Variants in CLVS1 observed in about 807,000 individuals in gnomAD.
CLVS1 encodes clavesin 1, also known as clavesin-1.
In CLVS1, 10 loss-of-function variants were observed where a neutral mutation model predicts 33.1. The ratio of observed to expected loss-of-function variants is 0.30; its 90% CI spans 0.19 to 0.51. The LOEUF (loss-of-function observed/expected upper bound fraction) is 0.51. Ranked by LOEUF, CLVS1 falls within the 20% of genes least tolerant of loss-of-function variation. The pLI, the probability that CLVS1 is intolerant of heterozygous loss-of-function variation, is 0.97. For missense variants in CLVS1, 343 were observed against 433.4 expected (o/e 0.79, Z 1.85); for synonymous variants, 163 against 166.1 (o/e 0.98, Z 0.14).
At chr8:61,353,531 A>C (rs973898325) in intron 2 of CLVS1, among the ~76,000 whole-genome samples, 2 of 151,886 alleles carry the variant, frequency 1.3e-5, no homozygotes, top group South Asian at 2.1e-4. Flanking sequence ...AAAATTTAAA[A>C]ATTATGTCCA....
chr8:61,270,750 T>C (rs1236283657), intron 2 of CLVS1, among the ~76,000 whole-genome samples: 2 of 152,182 alleles, frequency 1.3e-5, no homozygotes, highest in African/African-American at 4.8e-5. Context: ...TGGGAGAGTG[T>C]ATGTGTCGAG....
chr8:61,141,346 A>G (rs959417803), intron 2 of CLVS1, among the ~76,000 whole-genome samples: 1 of 152,208 alleles, frequency 6.6e-6, no homozygotes, highest in African/African-American at 2.4e-5. Context: ...ACTTAAAAAA[A>G]GTTACAGCAT....
chr8:61,146,448 G>T (rs1011174003), intron 2 of CLVS1, among the ~76,000 whole-genome samples: 1 of 152,194 alleles, frequency 6.6e-6, no homozygotes, highest in African/African-American at 2.4e-5. Flanking sequence ...GATCCCCCTG[G>T]AAATGGGGGT....
chr8:61,497,593 T>C (rs1804313102), intron 5 of CLVS1, among the ~76,000 whole-genome samples: 1 of 152,160 alleles, frequency 6.6e-6, no homozygotes, highest in African/African-American at 2.4e-5. Flanking sequence ...TCCTCAGTAT[T>C]GTCCCTTCAT....
chr8:61,315,009 G>A (rs964158526), intron 2 of CLVS1, among the ~76,000 whole-genome samples: 3 of 152,140 alleles, frequency 2.0e-5, no homozygotes, highest in Non-Finnish European at 4.4e-5. Context: ...TGTGCCCAAT[G>A]GACCAGCAGG....
intron 2 of CLVS1, among the ~76,000 whole-genome samples, chr8:61,246,313 G>A (rs1808809378): frequency 6.6e-6 from 1 of 150,846 alleles, no homozygotes; most frequent in South Asian, 2.1e-4. Flanking sequence ...GGGATTATAG[G>A]CGTCCACCAC....
chr8:60,976,444 A>G, the CLVS1 span, among the ~76,000 whole-genome samples: 1 of 151,436 alleles, frequency 6.6e-6, no homozygotes, highest in African/African-American at 2.4e-5. Context: ...TGCAGCCTCC[A>G]CCTCTTGGGC....
chr8:60,995,285 A>G, the CLVS1 span, among the ~76,000 whole-genome samples: 4 of 151,978 alleles, frequency 2.6e-5, no homozygotes, highest in African/African-American at 9.7e-5. Flanking sequence ...TAATATCCAG[A>G]ATCTACAATG....
At chr8:61,476,848 G>T (rs1379780598) in intron 5 of CLVS1, among the ~76,000 whole-genome samples, 1 of 152,184 alleles carries the variant, frequency 6.6e-6, no homozygotes, top group Non-Finnish European at 1.5e-5. Flanking sequence ...AATAGGAGTG[G>T]TGGGAGACGG....
At chr8:61,228,933 C>A (rs977361391) in intron 2 of CLVS1, among the ~76,000 whole-genome samples, 2 of 152,122 alleles carry the variant, frequency 1.3e-5, no homozygotes, top group Non-Finnish European at 2.9e-5. Flanking sequence ...ATTGCTGAGT[C>A]ATGTGGTAGT....
chr8:61,442,499 T>C (rs763829260), intron 3 of CLVS1, among the ~76,000 whole-genome samples: 18 of 152,154 alleles, frequency 1.2e-4, no homozygotes, highest in Non-Finnish European at 1.9e-4. Context: ...TATGTTTTGG[T>C]TTTTAGAAAA....
chr8:61,154,956 G>A (rs1806620204), intron 2 of CLVS1, among the ~76,000 whole-genome samples: 2 of 152,062 alleles, frequency 1.3e-5, no homozygotes, highest in African/African-American at 4.8e-5. Flanking sequence ...CCATTAAAAG[G>A]GCTCAGCAGG....
At chr8:61,237,865 T>C (rs972712216) in intron 2 of CLVS1, among the ~76,000 whole-genome samples, 1 of 150,870 alleles carries the variant, frequency 6.6e-6, no homozygotes. Flanking sequence ...GGATGTGTGG[T>C]GGGCTTTCTG....
At chr8:61,263,994 G>A (rs1315279542) in intron 2 of CLVS1, among the ~76,000 whole-genome samples, 1 of 152,204 alleles carries the variant, frequency 6.6e-6, no homozygotes, top group African/African-American at 2.4e-5. Flanking sequence ...TGTTTACAAA[G>A]AGAGAGACTA....
intron 1 of CLVS1, among the ~76,000 whole-genome samples, chr8:61,091,264 G>T (rs1274221126): frequency 1.3e-5 from 2 of 152,188 alleles, no homozygotes; most frequent in East Asian, 3.8e-4. Flanking sequence ...AAGAGACAAA[G>T]AACAGATTTC....
chr8:61,107,945 A>G (rs1805566472), intron 1 of CLVS1, among the ~76,000 whole-genome samples: 2 of 152,182 alleles, frequency 1.3e-5, no homozygotes, highest in African/African-American at 2.4e-5. Flanking sequence ...ATCAGGCACT[A>G]TTCTAGACAC....
chr8:61,427,511 C>T (rs1815939861), intron 3 of CLVS1, among the ~76,000 whole-genome samples: 1 of 152,166 alleles, frequency 6.6e-6, no homozygotes, highest in Admixed American at 6.5e-5. Flanking sequence ...ATGATCAATA[C>T]TGCAGTATTG....
intron 5 of CLVS1, among the ~76,000 whole-genome samples, chr8:61,498,390 AC>A (rs1804342172): frequency 6.6e-6 from 1 of 152,190 alleles, no homozygotes; most frequent in Non-Finnish European, 1.5e-5. Context: ...GGGTTTGGGC[AC>A]CCCAGGTCTA....
At chr8:61,082,149 A>AT (rs1805031882) in intron 1 of CLVS1, among the ~76,000 whole-genome samples, 1 of 151,964 alleles carries the variant, frequency 6.6e-6, no homozygotes, top group Non-Finnish European at 1.5e-5. Context: ...AATAAAAAAA[A>AT]ATTCAACAGA....
Sources: gnomAD v4.1 joint callset for allele counts (sites outside exome capture counted in the v4.1 genomes callset) on GRCh38, gnomAD v4.1.1 for gene constraint, MANE v1.5 for transcripts, NCBI Gene and HGNC (gene_info 2026-07-23, HGNC 2026-07-21) for gene names.